The following OR6N1 variants were observed in gnomAD, a reference collection of about 807,000 sequenced individuals.
OR6N1 encodes the protein olfactory receptor family 6 subfamily N member 1.
For synonymous variants in OR6N1, 170 were observed against 150.7 expected (o/e 1.13, Z -0.94); for missense variants, 394 against 371.7 (o/e 1.06, Z -0.49).
At chr1:158,785,970 C>G in the OR6N1 span, among the ~76,000 whole-genome samples, 1 of 151,744 alleles carries the variant, frequency 6.6e-6, no homozygotes, top group Non-Finnish European at 1.5e-5. Flanking sequence ...GACTAAGACC[C>G]CCAAAAGCAA....
At chr1:158,769,879 A>G (rs1488660694) in intron 1 of OR6N1, among the ~76,000 whole-genome samples, 1 of 152,182 alleles carries the variant, frequency 6.6e-6, no homozygotes, top group Non-Finnish European at 1.5e-5. Context: ...TTCTCACCGC[A>G]TATCCATGTC....
the OR6N1 span, among the ~76,000 whole-genome samples, chr1:158,797,169 C>T: frequency 1.3e-3 from 205 of 152,300 alleles, no homozygotes; most frequent in Non-Finnish European, 2.3e-3. Flanking sequence ...CCACCTGCCC[C>T]CTTTGTCTCT....
chr1:158,821,155 C>T, the OR6N1 span, among the ~76,000 whole-genome samples: 83 of 152,206 alleles, frequency 5.5e-4, no homozygotes, highest in African/African-American at 1.6e-3. Context: ...GTTTAATATA[C>T]TTTGTTTTTC....
upstream of OR6N1, chr1:158,772,287 C>T (rs759607297): frequency 3.3e-5 from 5 of 152,134 alleles, no homozygotes; most frequent in Non-Finnish European, 7.4e-5. Context: ...GCCCATGGGC[C>T]TTCTGAGCAG....
the OR6N1 span, among the ~76,000 whole-genome samples, chr1:158,795,817 G>C: frequency 2.0e-5 from 3 of 152,178 alleles, no homozygotes; most frequent in Non-Finnish European, 4.4e-5. Context: ...TCAGTTTTCT[G>C]TCTGGTTCAC....
At chr1:158,791,714 T>A in the OR6N1 span, among the ~76,000 whole-genome samples, 1 of 152,140 alleles carries the variant, frequency 6.6e-6, no homozygotes, top group African/African-American at 2.4e-5. Context: ...GTGATTTGCC[T>A]GCCTCGGCCT....
chr1:158,809,549 G>C, the OR6N1 span, among the ~76,000 whole-genome samples: 1 of 152,082 alleles, frequency 6.6e-6, no homozygotes, highest in Non-Finnish European at 1.5e-5. Flanking sequence ...CAAGGCTCCT[G>C]ATCCCATTTT....
chr1:158,829,582 T>A, the OR6N1 span, among the ~76,000 whole-genome samples: 1 of 152,176 alleles, frequency 6.6e-6, no homozygotes, highest in Non-Finnish European at 1.5e-5. Flanking sequence ...ATTCAACAAG[T>A]CTCTAGGAAG....
the OR6N1 span, among the ~76,000 whole-genome samples, chr1:158,809,581 A>G: frequency 2.0e-5 from 3 of 152,132 alleles, no homozygotes; most frequent in Non-Finnish European, 4.4e-5. Flanking sequence ...ATGTTATAAT[A>G]TTATGCTCCA....
the OR6N1 span, among the ~76,000 whole-genome samples, chr1:158,790,473 C>T: frequency 7.4e-5 from 11 of 148,710 alleles, no homozygotes; most frequent in African/African-American, 2.5e-4. Flanking sequence ...GGCGCAATCT[C>T]GGCTCACTGC....
upstream of OR6N1, chr1:158,777,163 G>C: frequency 1.2e-6 from 2 of 1,614,136 alleles, no homozygotes; most frequent in Non-Finnish European, 1.7e-6. Context: ...GATGACCTCA[G>C]AAATGGGACA....
the OR6N1 span, among the ~76,000 whole-genome samples, chr1:158,786,287 G>A: frequency 6.4e-3 from 968 of 152,108 alleles, 12 homozygotes; most frequent in African/African-American, 0.022. Context: ...AATTAAAACC[G>A]TAATGAGAGA....
At chr1:158,839,597 G>A in the OR6N1 span, among the ~76,000 whole-genome samples, 1 of 152,166 alleles carries the variant, frequency 6.6e-6, no homozygotes, top group East Asian at 1.9e-4. Flanking sequence ...CTACAGAGAA[G>A]CTATAATGTT....
chr1:158,782,475 G>C, the OR6N1 span, among the ~76,000 whole-genome samples: 1 of 152,174 alleles, frequency 6.6e-6, no homozygotes, highest in Non-Finnish European at 1.5e-5. Flanking sequence ...ACAAAATTAG[G>C]TTTATTGACT....
At chr1:158,793,695 T>A in the OR6N1 span, among the ~76,000 whole-genome samples, 3 of 152,200 alleles carry the variant, frequency 2.0e-5, no homozygotes, top group Non-Finnish European at 1.5e-5. Flanking sequence ...CTCAGTGGTG[T>A]GCACTTTTTA....
At chr1:158,798,831 C>T in the OR6N1 span, among the ~76,000 whole-genome samples, 1 of 152,136 alleles carries the variant, frequency 6.6e-6, no homozygotes, top group Non-Finnish European at 1.5e-5. Flanking sequence ...CCTTACAGTG[C>T]TTTTACGTGA....
the OR6N1 span, among the ~76,000 whole-genome samples, chr1:158,813,025 C>T: frequency 2.0e-5 from 3 of 152,164 alleles, no homozygotes; most frequent in African/African-American, 2.4e-5. Context: ...GACATTCAGT[C>T]TAACTCATAA....
At chr1:158,828,151 G>A in the OR6N1 span, among the ~76,000 whole-genome samples, 1 of 152,134 alleles carries the variant, frequency 6.6e-6, no homozygotes, top group African/African-American at 2.4e-5. Context: ...TTTGGGTGGG[G>A]ACACAGAGCC....
chr1:158,800,473 G>A, the OR6N1 span, among the ~76,000 whole-genome samples: 51 of 152,238 alleles, frequency 3.4e-4, no homozygotes, highest in African/African-American at 9.9e-4. Flanking sequence ...AATATAGTCC[G>A]TATCTGAGCT....
Sources: allele counts gnomAD v4.1 joint callset (sites outside exome capture counted in the v4.1 genomes callset), GRCh38; gene constraint gnomAD v4.1.1; transcripts MANE v1.5; gene names NCBI Gene and HGNC (gene_info 2026-07-23, HGNC 2026-07-21).